KLF12: variants seen among roughly 807,000 people sequenced by gnomAD.
KLF12 encodes KLF transcription factor 12.
KLF12 carries 9 observed loss-of-function variants against 37.8 expected under a neutral mutation model. The ratio of observed to expected loss-of-function variants is 0.24; its 90% confidence interval spans 0.14 to 0.42. KLF12 has a LOEUF of 0.42. Among genes scored for constraint, KLF12 ranks in the 10% least tolerant of loss-of-function variants. The pLI, the probability that KLF12 is intolerant of heterozygous loss-of-function variation, is 1.00. For missense variants in KLF12, 411 were observed against 516.0 expected (o/e 0.80, Z 1.97); for synonymous variants, 208 against 202.1 (o/e 1.03, Z -0.25).
rs1566331146 is a variant in KLF12 at position 73,738,108 on chromosome 13, T to TATGTATGTGTAC, written c.870-22584_870-22583insGTACACATACAT. On this transcript the variant is annotated intron_variant, in intron 6 of 7. Coordinates refer to ENST00000377669, the MANE Select transcript of KLF12 (RefSeq NM_007249.5). ...GTATGTGTACATATATATATATATA[T>TATGTATGTGTAC]ATATATATATATATATACACACACA... 2.7e-3 allele frequency among the ~76,000 whole-genome samples: 156 copies of TATGTATGTGTAC among 58,678 alleles called. 1 individual carries two copies. The highest frequency in any genetic ancestry group is 0.016 in the African/African-American group (136 of 8,596). 38.5% of individuals were successfully genotyped at this position (58,678 alleles called of 152,430 possible).
the KLF12 span, among the ~76,000 whole-genome samples, chr13:74,250,498 G>T: frequency 6.6e-6 from 1 of 152,138 alleles, no homozygotes; most frequent in Non-Finnish European, 1.5e-5. Flanking sequence ...AAAAGAAAAA[G>T]GTTAGAACCA....
At chr13:74,230,571 C>T in the KLF12 span, among the ~76,000 whole-genome samples, 462 of 152,276 alleles carry the variant, frequency 3.0e-3, 4 homozygotes, top group Middle Eastern at 0.02. Context: ...TTCAGTTCCA[C>T]TATGTTTACC....
At chr13:73,708,950 A>C (rs1361782028) in intron 7 of KLF12, among the ~76,000 whole-genome samples, 2 of 152,224 alleles carry the variant, frequency 1.3e-5, no homozygotes, top group Non-Finnish European at 2.9e-5. Flanking sequence ...TAAATAATTA[A>C]CCTGCTGACA....
At chr13:74,082,117 CA>C (rs1874932819) in intron 1 of KLF12, among the ~76,000 whole-genome samples, 4 of 140,928 alleles carry the variant, frequency 2.8e-5, no homozygotes, top group Admixed American at 1.5e-4. Context: ...TGCTCGAGCC[CA>C]GGAATTCAAG....
At chr13:74,212,136 C>T in the KLF12 span, among the ~76,000 whole-genome samples, 1 of 152,172 alleles carries the variant, frequency 6.6e-6, no homozygotes, top group Non-Finnish European at 1.5e-5. Flanking sequence ...ATCTTGCCAA[C>T]ATTTAATTTA....
intron 6 of KLF12, among the ~76,000 whole-genome samples, chr13:73,718,194 T>C (rs1400099709): frequency 1.3e-5 from 2 of 152,154 alleles, no homozygotes; most frequent in African/African-American, 4.8e-5. Flanking sequence ...TATCTTGCTA[T>C]CTGTATATAA....
intron 4 of KLF12, among the ~76,000 whole-genome samples, chr13:73,816,446 C>T (rs1268393034): frequency 6.6e-6 from 1 of 152,188 alleles, no homozygotes; most frequent in East Asian, 1.9e-4. Context: ...CAGCTCACTG[C>T]TGGTAGAGGT....
intron 7 of KLF12, among the ~76,000 whole-genome samples, chr13:73,708,347 G>A (rs1053888531): frequency 1.3e-5 from 2 of 152,134 alleles, no homozygotes; most frequent in African/African-American, 4.8e-5. Context: ...AATATTTCCA[G>A]ATTCATTTGA....
intron 1 of KLF12, among the ~76,000 whole-genome samples, chr13:74,046,261 A>G (rs1178167740): frequency 6.6e-6 from 1 of 152,192 alleles, no homozygotes; most frequent in Non-Finnish European, 1.5e-5. Context: ...CATCAGGTAT[A>G]CAGGAACTTT....
chr13:74,044,717 C>T lies in KLF12; in HGVS notation c.-31-49664G>A, dbSNP rs375855578. Among the ~76,000 whole-genome samples the T allele has an allele frequency of 1.3e-3, 202 of 151,538 alleles. 3 individuals are homozygous for T. The highest frequency in any genetic ancestry group is 2.0e-4 in the East Asian group (1 of 5,114). On this transcript the variant is annotated intron_variant, in intron 1 of 7. Coordinates refer to ENST00000377669, the MANE Select transcript of KLF12 (RefSeq NM_007249.5). ...AAAATTTGCCAGATGTAGTGGCGGGCGCCTGTAGTCCCAGCTGCTCGGGAG... is the reference window on the plus strand; with the variant it reads ...AAAATTTGCCAGATGTAGTGGCGGGTGCCTGTAGTCCCAGCTGCTCGGGAG...
At chr13:73,817,811 G>A (rs945266111) in intron 4 of KLF12, among the ~76,000 whole-genome samples, 1 of 152,196 alleles carries the variant, frequency 6.6e-6, no homozygotes, top group African/African-American at 2.4e-5. Context: ...AATATAATCT[G>A]CATATGCCGT....
chr13:74,246,165 A>T, the KLF12 span, among the ~76,000 whole-genome samples: 1 of 152,208 alleles, frequency 6.6e-6, no homozygotes, highest in African/African-American at 2.4e-5. Flanking sequence ...CAACAATTTC[A>T]GATCGGCTTC....
intron 1 of KLF12, among the ~76,000 whole-genome samples, chr13:74,090,625 C>G (rs1473007066): frequency 6.6e-6 from 1 of 152,112 alleles, no homozygotes; most frequent in Non-Finnish European, 1.5e-5. Context: ...TTTCCATGTG[C>G]TTAGTTGCCA....
intron 4 of KLF12, among the ~76,000 whole-genome samples, chr13:73,828,735 CG>C (rs1883984568): frequency 6.6e-6 from 1 of 152,178 alleles, no homozygotes; most frequent in Non-Finnish European, 1.5e-5. Context: ...GTAAATAAAT[CG>C]TTAGCTTGGC....
At chr13:74,177,430 A>G in the KLF12 span, among the ~76,000 whole-genome samples, 6 of 152,206 alleles carry the variant, frequency 3.9e-5, no homozygotes, top group African/African-American at 1.2e-4. Flanking sequence ...TTACCTAGCA[A>G]GCAGTTCAGT....
intron 6 of KLF12, among the ~76,000 whole-genome samples, chr13:73,726,526 T>A (rs1876685312): frequency 6.6e-6 from 1 of 152,222 alleles, no homozygotes; most frequent in East Asian, 1.9e-4. Context: ...TGGCATCATA[T>A]AATGCATGGC....
chr13:73,820,151 TGCC>T (rs1883444558), intron 4 of KLF12, among the ~76,000 whole-genome samples: 1 of 152,176 alleles, frequency 6.6e-6, no homozygotes, highest in South Asian at 2.1e-4. Flanking sequence ...TGGCTATCTC[TGCC>T]TGGAGCATAG....
chr13:73,789,801 C>T (rs543133383), intron 5 of KLF12, among the ~76,000 whole-genome samples: 17 of 152,158 alleles, frequency 1.1e-4, no homozygotes, highest in Non-Finnish European at 2.1e-4. Context: ...CTCAGCCTCC[C>T]GAGTAGCTGG....
chr13:74,231,930 A>G, the KLF12 span, among the ~76,000 whole-genome samples: 1 of 152,244 alleles, frequency 6.6e-6, no homozygotes, highest in Admixed American at 6.5e-5. Context: ...AAAAATTGGC[A>G]GAGAGCATCT....
Sources: allele counts gnomAD v4.1 joint callset (sites outside exome capture counted in the v4.1 genomes callset), GRCh38; gene constraint gnomAD v4.1.1; transcripts MANE v1.5; gene names NCBI Gene and HGNC (gene_info 2026-07-23, HGNC 2026-07-21).